The following CTNNA3 variants were observed in gnomAD, a reference collection of about 807,000 sequenced individuals.
CTNNA3 encodes catenin alpha-3.
CTNNA3 carries 76 observed loss-of-function variants against 95.7 expected under a neutral mutation model. The ratio of observed to expected loss-of-function variants is 0.79; its 90% CI spans 0.66 to 0.96. The LOEUF (loss-of-function observed/expected upper bound fraction) is 0.96, where lower values mean the gene tolerates loss of function less well. Ranked by LOEUF, CTNNA3 falls within the 40% of genes least tolerant of loss-of-function variation. The probability of loss-of-function intolerance (pLI) is 0.00; values close to 1 mark genes in which losing one functional copy is unlikely to be tolerated. For missense variants in CTNNA3, 1,191 were observed against 1,089.8 expected (o/e 1.09, Z -1.31); for synonymous variants, 431 against 374.4 (o/e 1.15, Z -1.74).
chr10:67,062,897 T>C (rs905970999), intron 7 of CTNNA3, among the ~76,000 whole-genome samples: 1 of 152,196 alleles, frequency 6.6e-6, no homozygotes, highest in African/African-American at 2.4e-5. Context: ...CCAACTTCAG[T>C]GCCCAGGTAG....
intron 15 of CTNNA3, among the ~76,000 whole-genome samples, chr10:66,017,310 T>C (rs1026506531): frequency 2.0e-5 from 3 of 152,078 alleles, no homozygotes; most frequent in African/African-American, 7.2e-5. Flanking sequence ...ACAAAAGACT[T>C]GCCTTAATAT....
rs150692068 is a variant in CTNNA3 at position 67,278,397 on chromosome 10, T to A, written c.580-58527A>T. On this transcript the variant is annotated intron_variant, in intron 5 of 17. Transcript: ENST00000433211. ...GGCATGAGGCATCAATCAAATACAT[T>A]TAAGAAACACATTGGTTTGGTTCAG... Among the ~76,000 whole-genome samples, 313 of 152,224 alleles carry A rather than the reference T, an allele frequency of 2.1e-3. 2 individuals are homozygous for A. Among genetic ancestry groups the A allele is most frequent in the African/African-American group, 7.1e-3 (294 of 41,532 alleles).
chr10:66,620,012 A>G (rs571126410), intron 10 of CTNNA3, among the ~76,000 whole-genome samples: 1 of 152,256 alleles, frequency 6.6e-6, no homozygotes, highest in African/African-American at 2.4e-5. Context: ...TGTCAACACT[A>G]CTAAATGAAA....
intron 17 of CTNNA3, among the ~76,000 whole-genome samples, chr10:65,936,571 A>T (rs919925406): frequency 2.0e-5 from 3 of 152,074 alleles, no homozygotes; most frequent in Admixed American, 2.0e-4. Flanking sequence ...TTCCATTATT[A>T]TCATATTTCC....
In CTNNA3 at chr10:67,606,860, C is replaced by G. The variant is rs757654295; in HGVS notation, c.289G>C (p.Glu97Gln). 2 of 1,612,536 alleles carry G rather than the reference C, an allele frequency of 1.2e-6. No individual in the cohort carries two copies. Among genetic ancestry groups the G allele is most frequent in the Admixed American group, 3.3e-5 (2 of 59,848 alleles). ...TGACCAGGATTGGAGTACTCACTTT[C>G]TTTGCGAACTTCCTCAAGTGAAGCC... ...LTASLEEVRK[E>Q]SEALKVSAER... is the part of the protein sequence containing the mutation. Residue 97 changes from glutamate to glutamine, a missense_variant, in exon 3 of 18, where the codon GAA (glutamate) becomes CAA (glutamine). By Grantham distance (29) the Glu-to-Gln change is conservative. Coordinates refer to ENST00000433211, the MANE Select transcript of CTNNA3 (RefSeq NM_013266.4).
At chr10:66,171,640 C>G (rs1433697538) in intron 13 of CTNNA3, among the ~76,000 whole-genome samples, 2 of 151,948 alleles carry the variant, frequency 1.3e-5, no homozygotes, top group Non-Finnish European at 2.9e-5. Flanking sequence ...TCCTGCTTGG[C>G]AAAGCTTCTA....
chr10:66,335,474 T>C (rs7913428), intron 12 of CTNNA3, among the ~76,000 whole-genome samples: 45,017 of 152,062 alleles, frequency 0.3, 7,858 homozygotes, highest in Non-Finnish European at 0.39. Flanking sequence ...TGCAGATCTG[T>C]TGGAGTTTGC....
At chr10:66,897,918 AACC>A (rs1181507710) in intron 7 of CTNNA3, among the ~76,000 whole-genome samples, 1 of 152,202 alleles carries the variant, frequency 6.6e-6, no homozygotes, top group African/African-American at 2.4e-5. Context: ...ATACAAAAGG[AACC>A]AAGGTGCCTT....
At chr10:66,254,500 G>A (rs1257315688) in intron 13 of CTNNA3, among the ~76,000 whole-genome samples, 4 of 152,016 alleles carry the variant, frequency 2.6e-5, no homozygotes, top group South Asian at 2.1e-4. Flanking sequence ...AAAATCCACC[G>A]CTTCACACTC....
At chr10:66,475,133 T>C (rs1839278608) in intron 11 of CTNNA3, among the ~76,000 whole-genome samples, 2 of 151,982 alleles carry the variant, frequency 1.3e-5, no homozygotes, top group South Asian at 4.1e-4. Flanking sequence ...GCTTTTGAAT[T>C]CTTGACCAAA....
chr10:66,085,831 A>C (rs574772569), intron 14 of CTNNA3, among the ~76,000 whole-genome samples: 1 of 152,296 alleles, frequency 6.6e-6, no homozygotes, highest in African/African-American at 2.4e-5. Flanking sequence ...ATGCAATGGA[A>C]GTAATTCAAT....
At chr10:66,798,725 A>G (rs1203161330) in intron 7 of CTNNA3, among the ~76,000 whole-genome samples, 3 of 151,694 alleles carry the variant, frequency 2.0e-5, no homozygotes, top group Non-Finnish European at 3.0e-5. Context: ...GTATCAGTAT[A>G]TAGTGAGTAT....
chr10:67,014,939 C>A (rs932981090), intron 7 of CTNNA3, among the ~76,000 whole-genome samples: 1 of 151,992 alleles, frequency 6.6e-6, no homozygotes, highest in Non-Finnish European at 1.5e-5. Flanking sequence ...GTTATATTTT[C>A]TTTTCCTTTA....
chr10:66,696,469 G>A lies in CTNNA3; in HGVS notation c.1281+69795C>T, dbSNP rs116171997. On this transcript the variant is annotated intron_variant, in intron 9 of 17. Transcript: ENST00000433211. ...TGGTACATAATAATGTAGTAAATAT[G>A]AGAATGCCTTTAAAGTGAACTAACT... Among the ~76,000 whole-genome samples the A allele has an allele frequency of 4.2e-3, 643 of 152,226 alleles. 5 individuals carry two copies. Among genetic ancestry groups the A allele is most frequent in the African/African-American group, 0.015 (629 of 41,522 alleles).
chr10:66,989,067 G>T (rs1474495118), intron 7 of CTNNA3, among the ~76,000 whole-genome samples: 1 of 151,842 alleles, frequency 6.6e-6, no homozygotes, highest in Non-Finnish European at 1.5e-5. Flanking sequence ...AAGAAAAAGT[G>T]TTTTTTTATT....
chr10:67,563,941 A>G (rs1012353499), intron 3 of CTNNA3, among the ~76,000 whole-genome samples: 1 of 149,128 alleles, frequency 6.7e-6, no homozygotes, highest in Non-Finnish European at 1.5e-5. Flanking sequence ...AACCACAATG[A>G]GATACCATCT....
intron 9 of CTNNA3, among the ~76,000 whole-genome samples, chr10:66,735,335 T>G (rs184065789): frequency 6.6e-6 from 1 of 151,888 alleles, no homozygotes; most frequent in Non-Finnish European, 1.5e-5. Context: ...CTAAATACTT[T>G]GGGACCAAAT....
intron 7 of CTNNA3, among the ~76,000 whole-genome samples, chr10:67,057,472 G>A (rs1390947121): frequency 6.6e-6 from 1 of 152,070 alleles, no homozygotes; most frequent in Non-Finnish European, 1.5e-5. Flanking sequence ...CTGCTTCTGT[G>A]TATTCAATTT....
chr10:66,220,155 T>C (rs2088841475), intron 13 of CTNNA3, among the ~76,000 whole-genome samples: 1 of 151,856 alleles, frequency 6.6e-6, no homozygotes, highest in African/African-American at 2.4e-5. Flanking sequence ...AATAAAGATA[T>C]CCACAAACAC....
Sources: allele counts gnomAD v4.1 joint callset (sites outside exome capture counted in the v4.1 genomes callset), GRCh38; gene constraint gnomAD v4.1.1; transcripts MANE v1.5; gene names NCBI Gene and HGNC (gene_info 2026-07-23, HGNC 2026-07-21).